Variants in GCFC2 observed in about 807,000 individuals in gnomAD.
GCFC2 encodes the protein GC-rich sequence DNA-binding factor 2, also known as intron Large complex component GCFC2.
A neutral mutation model predicts 99.4 loss-of-function variants in GCFC2; 102 were observed. That is an observed-to-expected ratio of 1.03 (90% CI 0.87 to 1.21). The LOEUF is 1.21. GCFC2 is among the 50% of genes most tolerant of loss of function. The pLI is 0.00. For missense variants in GCFC2, 973 were observed against 920.9 expected, an observed-to-expected ratio of 1.06 and a Z score of -0.73; for synonymous variants, 338 against 316.8, an observed-to-expected ratio of 1.07 and a Z score of -0.71.
intron 12 of GCFC2, among the ~76,000 whole-genome samples, chr2:75,678,409 A>G (rs1679439055): frequency 1.3e-5 from 2 of 152,186 alleles, no homozygotes; most frequent in Admixed American, 1.3e-4. Flanking sequence ...AACAGTTTCC[A>G]TCTATTTTAC....
chr2:75,693,720 C>CT (rs1321015800), intron 6 of GCFC2, among the ~76,000 whole-genome samples: 3 of 151,848 alleles, frequency 2.0e-5, no homozygotes, highest in African/African-American at 4.8e-5. Context: ...TGTTCATACT[C>CT]TAACAAAACC....
intron 13 of GCFC2, 151 bp from the exon 14 acceptor site, chr2:75,672,167 A>ATATATATTTATTTATAAAATATATATT (rs1679118899): frequency 4.5e-5 from 7 of 156,686 alleles, no homozygotes; most frequent in Admixed American, 6.7e-5. Flanking sequence ...TATAAATAAA[A>ATATATATTTATTTATAAAATATATATT]TATATATTTA....
intron 1 of GCFC2, among the ~76,000 whole-genome samples, chr2:75,707,824 C>G (rs910323563): frequency 6.6e-6 from 1 of 152,124 alleles, no homozygotes; most frequent in African/African-American, 2.4e-5. Context: ...CTGCTAGGCT[C>G]TTGGCATGAA....
intron 11 of GCFC2, among the ~76,000 whole-genome samples, chr2:75,687,070 G>C (rs969365836): frequency 2.6e-5 from 4 of 152,112 alleles, no homozygotes; most frequent in Non-Finnish European, 4.4e-5. Flanking sequence ...GAGTAGCTGG[G>C]ATTACAGGTG....
At position 75,710,577 on chromosome 2, in the gene GCFC2, G is replaced by C. The variant is rs762986761; in HGVS notation, c.265+14C>G. On this transcript the variant is annotated intron_variant, in intron 1 of 16. Coordinates refer to ENST00000321027, the MANE Select transcript of GCFC2 (RefSeq NM_003203.5). The stretch of plus-strand genomic sequence containing the variant: ...TGCCGTCACCTCCCCGCTTCCCCGC[G>C]TCTCCCTGGACACCTGAGCCTTCGT... 5 of 1,491,084 alleles carry C rather than the reference G, an allele frequency of 3.4e-6. No individual in the cohort carries two copies. In the South Asian group the frequency reaches 6.4e-5, roughly 19 times the overall value. The allele number at this position is 1,491,084 out of a possible 1,614,324, so 92.4% of individuals were successfully genotyped here.
chr2:75,670,228 T>C lies in GCFC2; in HGVS notation c.2013A>G (p.Glu671=). 3 of 1,607,072 alleles carry C rather than the reference T, an allele frequency of 1.9e-6. No individual in the cohort carries two copies. Among genetic ancestry groups the C allele is most frequent in the Non-Finnish European group, 2.6e-6 (3 of 1,173,622 alleles). The change falls in exon 15 of 17, where the codon GAA becomes GAG. Residue 671 remains glutamate (E), a synonymous_variant. Transcript: ENST00000321027. Reference sequence around the variant, plus strand: ...GATTTAGCAGCTTCCCTAGTCCTAGTTCTTGCAAGGTGTCATCTGTAAGGA... The same window carrying C: ...GATTTAGCAGCTTCCCTAGTCCTAGCTCTTGCAAGGTGTCATCTGTAAGGA... The part of the protein sequence containing the change: ...NGLLTDDTLQ[E]LGLGKLLNRY...
At chr2:75,668,185 G>A (rs1006125541) in intron 15 of GCFC2, among the ~76,000 whole-genome samples, 5 of 151,890 alleles carry the variant, frequency 3.3e-5, no homozygotes, top group Admixed American at 1.3e-4. Flanking sequence ...CTTTGTACCA[G>A]GGCCCACTTA....
At chr2:75,679,199 C>G (rs1174323300) in intron 12 of GCFC2, among the ~76,000 whole-genome samples, 1 of 152,158 alleles carries the variant, frequency 6.6e-6, no homozygotes, top group Non-Finnish European at 1.5e-5. Context: ...AGGCTGGTAT[C>G]CCTTTTCTCC....
chr2:75,693,446 T>C (rs894883473), intron 6 of GCFC2, among the ~76,000 whole-genome samples: 1 of 151,870 alleles, frequency 6.6e-6, no homozygotes, highest in Admixed American at 6.6e-5. Flanking sequence ...TCCCCCTCAC[T>C]AGAAAAATAA....
chr2:75,688,066 A>T, intron 10 of GCFC2, 89 bp from the exon 11 acceptor site: 1 of 773,010 alleles, frequency 1.3e-6, no homozygotes, highest in Non-Finnish European at 2.0e-6. Context: ...TAATCACCAG[A>T]GCTTTTCTAA....
At chr2:75,679,065 ACACAATTGG>A (rs1679461428) in intron 12 of GCFC2, among the ~76,000 whole-genome samples, 1 of 144,470 alleles carries the variant, frequency 6.9e-6, no homozygotes, top group African/African-American at 2.9e-5. Flanking sequence ...AGTGCCTAGT[ACACAATTGG>A]AATTAAATAA....
rs1230362320 is a variant in GCFC2 at position 75,664,766 on chromosome 2, A to G, written c.2246T>C (p.Ile749Thr). 5 of 1,539,312 alleles carry G rather than the reference A, an allele frequency of 3.2e-6. No individual in the cohort carries two copies. Among genetic ancestry groups the G allele is most frequent in the Non-Finnish European group, 3.6e-6 (4 of 1,114,802 alleles). Residue 749 changes from isoleucine (I) to threonine (T), a missense_variant, in exon 17 of 17, where the codon ATA becomes ACA. By Grantham distance (89) the Ile-to-Thr change is moderately conservative. Transcript: ENST00000321027. ...TTTTATTTTCACCAAAATAAGAATT[A>G]TTTCTTCGACTTCATCCCTGAAAAA... Reference protein sequence around the residue: ...RSEFRDEVEEIILILVKIKAL... With the variant: ...RSEFRDEVEETILILVKIKAL...
Position 75,706,642 on chromosome 2 carries a change from G to A in GCFC2, c.275C>T (p.Thr92Ile). 2 of 1,572,212 alleles carry A rather than the reference G, an allele frequency of 1.3e-6. No homozygotes were observed. Among genetic ancestry groups the A allele is most frequent in the South Asian group, 1.2e-5 (1 of 85,760 alleles). ...CTCTTCATCTGTGGACACATCAAGG[G>A]TTCTGGATTCTAACAGGACATTTTA... ...PRADEGSESRTLDVSTDEEDK... is the reference protein window; with the variant it reads ...PRADEGSESRILDVSTDEEDK... Residue 92 changes from threonine (T) to isoleucine (I), a missense_variant, in exon 2 of 17, where the codon ACC (threonine) becomes ATC (isoleucine). Coordinates refer to ENST00000321027, the MANE Select transcript of GCFC2 (RefSeq NM_003203.5).
chr2:75,680,158 T>A, intron 12 of GCFC2, 35 bp downstream of exon 12: 1 of 1,473,200 alleles, frequency 6.8e-7, no homozygotes, highest in East Asian at 2.3e-5. Flanking sequence ...GATTTAGAGA[T>A]AGATCATGGA....
intron 4 of GCFC2, among the ~76,000 whole-genome samples, chr2:75,700,772 C>T (rs1680549846): frequency 6.6e-6 from 1 of 152,132 alleles, no homozygotes; most frequent in African/African-American, 2.4e-5. Context: ...GACATAATCC[C>T]TGGAAAGTGC....
At chr2:75,696,092 C>A in intron 5 of GCFC2, 108 bp downstream of exon 5, 2 of 524,488 alleles carry the variant, frequency 3.8e-6, no homozygotes, top group Non-Finnish European at 7.0e-6. Flanking sequence ...TTTTCCCCCC[C>A]ATAAGTCTGT....
intron 12 of GCFC2, among the ~76,000 whole-genome samples, chr2:75,678,828 C>T (rs1679454219): frequency 1.3e-5 from 2 of 152,118 alleles, no homozygotes; most frequent in African/African-American, 4.8e-5. Context: ...CTCAATGCAG[C>T]TTCAACTCCT....
At chr2:75,703,053 AT>A (rs1442286475) in intron 2 of GCFC2, among the ~76,000 whole-genome samples, 2 of 152,140 alleles carry the variant, frequency 1.3e-5, no homozygotes, top group Non-Finnish European at 2.9e-5. Flanking sequence ...CAGGTGAAAA[AT>A]TTTAAATGAC....
At chr2:75,678,437 T>G (rs1215811692) in intron 12 of GCFC2, among the ~76,000 whole-genome samples, 2 of 152,208 alleles carry the variant, frequency 1.3e-5, no homozygotes, top group African/African-American at 2.4e-5. Flanking sequence ...TTTATCCTAT[T>G]GGAGGTAAGC....
Sources: allele counts gnomAD v4.1 joint callset (sites outside exome capture counted in the v4.1 genomes callset), GRCh38; gene constraint gnomAD v4.1.1; transcripts MANE v1.5; gene names NCBI Gene and HGNC (gene_info 2026-07-23, HGNC 2026-07-21).